MINDY4: variants seen among roughly 807,000 people sequenced by gnomAD.
The protein encoded by MINDY4 is probable ubiquitin carboxyl-terminal hydrolase MINDY-4.
In MINDY4, 68 loss-of-function variants were observed where a neutral mutation model predicts 87.0. The observed-to-expected ratio is 0.78, with a 90% CI of 0.64 to 0.96. The LOEUF (loss-of-function observed/expected upper bound fraction) is 0.96. Among genes scored for constraint, MINDY4 ranks in the 40% least tolerant of loss-of-function variants. The pLI, the probability that MINDY4 is intolerant of heterozygous loss-of-function variation, is 0.00. For missense variants in MINDY4, 919 were observed against 928.2 expected (o/e 0.99, Z 0.13); for synonymous variants, 379 against 363.2 (o/e 1.04, Z -0.50).
At chr7:30,776,826 G>A (rs1252816226) in intron 1 of MINDY4, among the ~76,000 whole-genome samples, 4 of 152,110 alleles carry the variant, frequency 2.6e-5, no homozygotes, top group Non-Finnish European at 5.9e-5. Flanking sequence ...TATTCCTTCT[G>A]TCTCTCCTGC....
chr7:30,787,003 G>T (rs1475254028), intron 4 of MINDY4, among the ~76,000 whole-genome samples: 1 of 152,210 alleles, frequency 6.6e-6, no homozygotes, highest in Non-Finnish European at 1.5e-5. Context: ...TCACTTACCT[G>T]CTGTATGTTT....
chr7:30,787,928 T>G (rs1787202559), intron 4 of MINDY4, among the ~76,000 whole-genome samples: 1 of 152,228 alleles, frequency 6.6e-6, no homozygotes, highest in Non-Finnish European at 1.5e-5. Flanking sequence ...AAGTGAGAAG[T>G]TAAAAATATT....
At chr7:30,826,895 G>A (rs1478323840) in intron 5 of MINDY4, among the ~76,000 whole-genome samples, 1 of 152,160 alleles carries the variant, frequency 6.6e-6, no homozygotes, top group Non-Finnish European at 1.5e-5. Flanking sequence ...CATTCTTGCT[G>A]TTATTTTAAT....
At chr7:30,832,481 A>T (rs1448569933) in intron 6 of MINDY4, among the ~76,000 whole-genome samples, 1 of 152,136 alleles carries the variant, frequency 6.6e-6, no homozygotes, top group Non-Finnish European at 1.5e-5. Context: ...AAGCCTGCCT[A>T]TCAGTATTCT....
intron 13 of MINDY4, among the ~76,000 whole-genome samples, chr7:30,864,840 C>A (rs1789883778): frequency 6.6e-6 from 1 of 152,218 alleles, no homozygotes; most frequent in Admixed American, 6.5e-5. Context: ...AGGCTCCTCT[C>A]AGTAATGGAG....
intron 5 of MINDY4, among the ~76,000 whole-genome samples, chr7:30,813,149 A>G (rs1236250530): frequency 2.6e-5 from 4 of 152,176 alleles, no homozygotes; most frequent in Non-Finnish European, 5.9e-5. Flanking sequence ...TGCTTGCATT[A>G]GATTCAGATC....
chr7:30,873,168 G>C (rs926424304), intron 14 of MINDY4, among the ~76,000 whole-genome samples: 9 of 152,320 alleles, frequency 5.9e-5, no homozygotes, highest in Non-Finnish European at 1.2e-4. Context: ...AGGGACCGTG[G>C]GGTTGGCTGC....
intron 5 of MINDY4, among the ~76,000 whole-genome samples, chr7:30,825,038 C>T (rs770854631): frequency 1.4e-4 from 21 of 152,126 alleles, no homozygotes; most frequent in Non-Finnish European, 2.5e-4. Flanking sequence ...AGGGTCGAGC[C>T]GAGTTCTGCC....
intron 1 of MINDY4, among the ~76,000 whole-genome samples, chr7:30,773,973 T>C (rs1786724505): frequency 6.6e-6 from 1 of 152,178 alleles, no homozygotes; most frequent in African/African-American, 2.4e-5. Flanking sequence ...CTTCTGACAG[T>C]AAAATTCCAC....
rs757459987 is a variant in MINDY4 at position 30,850,437 on chromosome 7, CCTTTT to C, written c.1446-13_1446-9del. On this transcript the variant is annotated splice_polypyrimidine_tract_variant and intron_variant, in intron 9 of 17. Coordinates refer to ENST00000265299, the MANE Select transcript of MINDY4 (RefSeq NM_032222.3). ...GTGTCCACATGGGCATAAATGCCTT[CCTTTT>C]CTTGTCCGCAGGGGACTGCAGCCTT... 2 of 1,604,954 alleles carry C rather than the reference CCTTTT, an allele frequency of 1.2e-6. No homozygotes were observed. Among genetic ancestry groups the C allele is most frequent in the Non-Finnish European group, 1.7e-6 (2 of 1,175,546 alleles).
intron 5 of MINDY4, among the ~76,000 whole-genome samples, chr7:30,820,445 C>T (rs1489895590): frequency 2.0e-5 from 3 of 152,020 alleles, no homozygotes; most frequent in African/African-American, 7.2e-5. Flanking sequence ...GTTGTATAAC[C>T]ACCACCTCTG....
intron 1 of MINDY4, among the ~76,000 whole-genome samples, 153 bp downstream of exon 1, chr7:30,771,709 G>GGACAGGGGAAACTACATTTCCCAC (rs1462765013): frequency 2.0e-5 from 3 of 152,262 alleles, no homozygotes; most frequent in African/African-American, 7.2e-5. Context: ...CGCTTTCCCG[G>GGACAGGGGAAACTACATTTCCCAC]GACAGGGGAA....
At chr7:30,794,169 G>A (rs150106631) in intron 5 of MINDY4, among the ~76,000 whole-genome samples, 3 of 152,196 alleles carry the variant, frequency 2.0e-5, no homozygotes, top group African/African-American at 4.8e-5. Context: ...TAATCCCAAT[G>A]GTAAATATAT....
intron 3 of MINDY4, among the ~76,000 whole-genome samples, chr7:30,784,897 C>A (rs904898962): frequency 1.3e-5 from 2 of 152,136 alleles, no homozygotes; most frequent in African/African-American, 4.8e-5. Context: ...GGGTAGGGGG[C>A]AATACCCATT....
At chr7:30,794,896 C>G (rs1432308160) in intron 5 of MINDY4, among the ~76,000 whole-genome samples, 1 of 152,188 alleles carries the variant, frequency 6.6e-6, no homozygotes, top group Non-Finnish European at 1.5e-5. Context: ...GGGCCTTTCT[C>G]TACACATTTG....
chr7:30,881,130 G>A (rs1790452847), intron 15 of MINDY4, among the ~76,000 whole-genome samples: 1 of 152,284 alleles, frequency 6.6e-6, no homozygotes, highest in African/African-American at 2.4e-5. Context: ...AATCAGCCTG[G>A]CCCGTGGCAC....
intron 13 of MINDY4, among the ~76,000 whole-genome samples, chr7:30,867,794 T>TGGTCA (rs1789985330): frequency 6.6e-6 from 1 of 152,022 alleles, no homozygotes; most frequent in Non-Finnish European, 1.5e-5. Context: ...GGTGCCCTAG[T>TGGTCA]GGTCAGGTGG....
At chr7:30,845,756 G>C (rs963951642) in intron 9 of MINDY4, among the ~76,000 whole-genome samples, 1 of 152,164 alleles carries the variant, frequency 6.6e-6, no homozygotes, top group Non-Finnish European at 1.5e-5. Flanking sequence ...ATGGAGGATG[G>C]GATCGCACCC....
intron 17 of MINDY4, among the ~76,000 whole-genome samples, chr7:30,889,318 T>C (rs6950663): frequency 0.29 from 43,697 of 152,126 alleles, 9,525 homozygotes; most frequent in African/African-American, 0.61. Context: ...GCAGATGTAA[T>C]AGATGAACTC....
Sources: gnomAD v4.1 joint callset for allele counts (sites outside exome capture counted in the v4.1 genomes callset) on GRCh38, gnomAD v4.1.1 for gene constraint, MANE v1.5 for transcripts, NCBI Gene and HGNC (gene_info 2026-07-23, HGNC 2026-07-21) for gene names.